CEP112: variants seen among roughly 807,000 people sequenced by gnomAD.
CEP112 encodes the protein centrosomal protein 112, also known as centrosomal protein of 112 kDa.
Under a neutral mutation model 153.0 loss-of-function variants are expected in CEP112, and 127 were observed. The observed-to-expected ratio is 0.83, with a 90% CI of 0.72 to 0.96. The LOEUF (loss-of-function observed/expected upper bound fraction) is 0.96, where lower values mean the gene tolerates loss of function less well. Among genes scored for constraint, CEP112 ranks in the 40% least tolerant of loss-of-function variants. The pLI is 0.00. For synonymous variants in CEP112, 358 were observed against 374.4 expected (o/e 0.96, Z 0.51); for missense variants, 1,089 against 1,101.2 (o/e 0.99, Z 0.16).
intron 24 of CEP112, among the ~76,000 whole-genome samples, chr17:65,641,340 T>A (rs2045123631): frequency 6.6e-6 from 1 of 152,180 alleles, no homozygotes; most frequent in African/African-American, 2.4e-5. Context: ...AGTAAAATAA[T>A]TTTTCTCTCC....
At position 65,890,307 on chromosome 17, in the gene CEP112, G is replaced by A. The variant is rs552462321; in HGVS notation, c.2163+11845C>T. 1.2e-4 allele frequency among the ~76,000 whole-genome samples: 18 copies of A among 152,326 alleles called. No homozygotes were observed. In the East Asian group the frequency reaches 2.7e-3, roughly 23 times the overall value. On this transcript the variant is annotated intron_variant, in intron 20 of 26. Coordinates refer to ENST00000535342, the MANE Select transcript of CEP112 (RefSeq NM_001199165.4). The stretch of plus-strand genomic sequence containing the variant: ...ATCACTGGCCAAGCGGACCCAGTCC[G>A]AACTTCTCAACATGGTACGTGTTCT...
intron 20 of CEP112, among the ~76,000 whole-genome samples, chr17:65,879,235 A>T (rs2058965603): frequency 6.6e-6 from 1 of 152,236 alleles, no homozygotes; most frequent in Non-Finnish European, 1.5e-5. Flanking sequence ...GCCAGGAATG[A>T]CAGGGTCAGA....
intron 17 of CEP112, among the ~76,000 whole-genome samples, chr17:65,963,853 A>G (rs960194765): frequency 6.6e-6 from 1 of 152,186 alleles, no homozygotes; most frequent in Non-Finnish European, 1.5e-5. Context: ...TTCATATCCC[A>G]TGTATCCATC....
intron 8 of CEP112, among the ~76,000 whole-genome samples, chr17:66,080,086 G>C (rs1405141873): frequency 6.6e-6 from 1 of 152,028 alleles, no homozygotes; most frequent in Admixed American, 6.6e-5. Context: ...TACCATTCAG[G>C]ATATAGACAT....
At chr17:65,833,339 T>G (rs1430878039) in intron 21 of CEP112, among the ~76,000 whole-genome samples, 1 of 152,094 alleles carries the variant, frequency 6.6e-6, no homozygotes, top group Non-Finnish European at 1.5e-5. Flanking sequence ...CACCACTGTA[T>G]TGGAAGTCCT....
chr17:66,068,208 G>C (rs1443703854), intron 9 of CEP112, among the ~76,000 whole-genome samples: 6 of 152,026 alleles, frequency 3.9e-5, no homozygotes, highest in African/African-American at 1.4e-4. Flanking sequence ...TGCTAATCAA[G>C]GGGAAAAAGG....
chr17:65,684,600 A>T (rs2047690501), intron 24 of CEP112, among the ~76,000 whole-genome samples: 1 of 152,238 alleles, frequency 6.6e-6, no homozygotes, highest in Non-Finnish European at 1.5e-5. Context: ...TCTCACTGTG[A>T]ATAACGAAAC....
chr17:66,010,964 T>C lies in CEP112; in HGVS notation c.1657-5195A>G, dbSNP rs1008311108. On this transcript the variant is annotated intron_variant, in intron 16 of 26. Transcript: ENST00000535342. ...TAAGGTTTTGGTATCAGTATGATGC[T>C]AACCTCACAGGATGAGTTAAGGAGG... 2.0e-5 allele frequency among the ~76,000 whole-genome samples: 3 copies of C among 152,160 alleles called. No homozygotes were observed. In the East Asian group the frequency reaches 5.8e-4, roughly 29 times the overall value.
At chr17:66,145,747 G>T (rs964874304) in intron 4 of CEP112, among the ~76,000 whole-genome samples, 4 of 152,002 alleles carry the variant, frequency 2.6e-5, no homozygotes, top group African/African-American at 9.7e-5. Flanking sequence ...TAAAAATCAG[G>T]AAAGTGAAGT....
intron 19 of CEP112, among the ~76,000 whole-genome samples, chr17:65,919,093 AC>A (rs35154156): frequency 3.3e-5 from 5 of 152,038 alleles, no homozygotes; most frequent in Non-Finnish European, 5.9e-5. Flanking sequence ...AATGAATAGC[AC>A]CCCCCTGGGG....
chr17:65,660,546 T>C (rs975234567), intron 24 of CEP112, among the ~76,000 whole-genome samples: 10 of 119,384 alleles, frequency 8.4e-5, no homozygotes, highest in African/African-American at 3.4e-4. Context: ...TCTCTTTTTT[T>C]CTTCTCGTTT....
At chr17:66,064,984 A>T (rs1319881114) in intron 10 of CEP112, among the ~76,000 whole-genome samples, 1 of 152,184 alleles carries the variant, frequency 6.6e-6, no homozygotes, top group Admixed American at 6.5e-5. Flanking sequence ...TGTCAAAGCC[A>T]TTATCATTCA....
At chr17:65,814,178 T>G (rs1598661719) in intron 21 of CEP112, among the ~76,000 whole-genome samples, 1 of 152,320 alleles carries the variant, frequency 6.6e-6, no homozygotes, top group Middle Eastern at 3.4e-3. Context: ...GCTTAGCTAG[T>G]TATTGACAGG....
intron 21 of CEP112, among the ~76,000 whole-genome samples, chr17:65,786,569 ATTC>A (rs1403250228): frequency 7.8e-6 from 1 of 127,612 alleles, no homozygotes; most frequent in Non-Finnish European, 1.7e-5. Flanking sequence ...TCTTTAGCCA[ATTC>A]TTTTTTTTTT....
At chr17:66,132,046 G>A (rs996799826) in intron 5 of CEP112, among the ~76,000 whole-genome samples, 4 of 151,096 alleles carry the variant, frequency 2.6e-5, no homozygotes, top group African/African-American at 9.7e-5. Flanking sequence ...GTGCATGCCT[G>A]TAGTCTCAGC....
At chr17:66,017,107 T>A (rs552054627) in intron 16 of CEP112, among the ~76,000 whole-genome samples, 1 of 152,218 alleles carries the variant, frequency 6.6e-6, no homozygotes, top group African/African-American at 2.4e-5. Context: ...ATTGAATAAC[T>A]CAAGGTTATT....
intron 12 of CEP112, among the ~76,000 whole-genome samples, chr17:66,039,562 A>G (rs2065887143): frequency 6.6e-6 from 1 of 152,218 alleles, no homozygotes; most frequent in South Asian, 2.1e-4. Context: ...ATAAGTCTTA[A>G]AGATAGAGTT....
chr17:65,837,050 C>T (rs2057335386), intron 21 of CEP112, among the ~76,000 whole-genome samples: 1 of 152,220 alleles, frequency 6.6e-6, no homozygotes, highest in Non-Finnish European at 1.5e-5. Flanking sequence ...AGTGATCTGC[C>T]AGCCTCGGCC....
At chr17:65,735,082 T>C (rs1479864645) in intron 23 of CEP112, among the ~76,000 whole-genome samples, 2 of 152,198 alleles carry the variant, frequency 1.3e-5, no homozygotes, top group African/African-American at 4.8e-5. Context: ...ATATCACTGA[T>C]CTTATCAGAA....
Sources: allele counts gnomAD v4.1 joint callset (sites outside exome capture counted in the v4.1 genomes callset), GRCh38; gene constraint gnomAD v4.1.1; transcripts MANE v1.5; gene names NCBI Gene and HGNC (gene_info 2026-07-23, HGNC 2026-07-21).